Variants in NUAK1 observed in about 807,000 individuals in gnomAD.
The protein encoded by NUAK1 is NUAK family SNF1-like kinase 1.
A neutral mutation model predicts 56.9 loss-of-function variants in NUAK1; 26 were observed. The ratio of observed to expected loss-of-function variants is 0.46; its 90% CI spans 0.33 to 0.63. The LOEUF (loss-of-function observed/expected upper bound fraction) is 0.63. NUAK1 is among the 30% of genes least tolerant of loss of function. NUAK1 has a pLI of 0.02. For missense variants in NUAK1, 727 were observed against 876.1 expected (o/e 0.83, Z 2.15); for synonymous variants, 337 against 336.0 (o/e 1.00, Z -0.03).
At position 106,067,570 on chromosome 12, in the gene NUAK1, G is replaced by A. The variant is rs763058664; in HGVS notation, c.1218C>T (p.Asn406=). The part of the protein sequence containing the change: ...RPKGILKKRS[N]SEHRSHSTGF... The stretch of plus-strand genomic sequence containing the variant: ...CAGTGCTGTGAGAGCGATGCTCGCT[G>A]TTGCTTCGCTTCTTCAGGATCCCCT... Residue 406 remains asparagine, a synonymous_variant, in exon 7 of 7, where the codon AAC becomes AAT. Coordinates refer to ENST00000261402, the MANE Select transcript of NUAK1 (RefSeq NM_014840.3). This position sits in a 1 kb window ranked among gnomAD's most constrained non-coding sequence, Gnocchi z 6.0. 6 of 1,614,246 alleles carry A rather than the reference G, an allele frequency of 3.7e-6. No individual in the cohort carries two copies. The South Asian group carries it at 6.6e-5, about 18-fold the overall frequency.
intron 5 of NUAK1, 96 bp downstream of exon 5, chr12:106,072,626 GCT>G: frequency 1.5e-6 from 2 of 1,341,192 alleles, no homozygotes; most frequent in South Asian, 2.8e-5. Context: ...GCTTTTTTAG[GCT>G]CTGTTTTTTT....
At chr12:106,101,156 C>T (rs1004707637) in intron 2 of NUAK1, among the ~76,000 whole-genome samples, 5 of 152,178 alleles carry the variant, frequency 3.3e-5, no homozygotes, top group Non-Finnish European at 7.4e-5. Context: ...CACCACGCCC[C>T]CAGGTTGCAG....
chr12:106,128,132 T>C (rs1341403633), intron 1 of NUAK1, among the ~76,000 whole-genome samples: 2 of 145,400 alleles, frequency 1.4e-5, no homozygotes, highest in African/African-American at 2.6e-5. Flanking sequence ...TCTTTTCTTT[T>C]TCTTTTTTTT....
At chr12:106,132,867 C>T (rs533746762) in intron 1 of NUAK1, among the ~76,000 whole-genome samples, 1 of 152,184 alleles carries the variant, frequency 6.6e-6, no homozygotes, top group African/African-American at 2.4e-5. Context: ...CAGCTCAGAC[C>T]CCTCTAGAGG....
At chr12:106,131,592 A>C (rs79101443) in intron 1 of NUAK1, among the ~76,000 whole-genome samples, 3,847 of 152,310 alleles carry the variant, frequency 0.025, 161 homozygotes, top group African/African-American at 0.088. Flanking sequence ...GATCATAAGT[A>C]ATATTCCACA....
At position 106,066,620 on chromosome 12, in the gene NUAK1, C is replaced by A; in HGVS notation, c.*182G>T. ...TCTGACTGACAATTGACAGAACTGG[C>A]AGAAGAGCCCACCTCTCCCTTTTAG... On this transcript the variant is annotated 3_prime_UTR_variant, in exon 7 of 7. Coordinates refer to ENST00000261402, the MANE Select transcript of NUAK1 (RefSeq NM_014840.3). 2 of 637,390 alleles carry A rather than the reference C, an allele frequency of 3.1e-6. No individual in the cohort carries two copies. Among genetic ancestry groups the A allele is most frequent in the South Asian group, 3.9e-5 (2 of 51,416 alleles). 39.5% of individuals were successfully genotyped at this position (637,390 alleles called of 1,614,324 possible).
intron 1 of NUAK1, among the ~76,000 whole-genome samples, chr12:106,130,391 A>C (rs2033065513): frequency 6.6e-6 from 1 of 152,226 alleles, no homozygotes; most frequent in African/African-American, 2.4e-5. Flanking sequence ...CAGGACTTGT[A>C]ATATCCTCCT....
At chr12:106,111,163 G>A (rs1204891883) in intron 1 of NUAK1, among the ~76,000 whole-genome samples, 1 of 152,130 alleles carries the variant, frequency 6.6e-6, no homozygotes, top group African/African-American at 2.4e-5. Flanking sequence ...GGGTTGTTGT[G>A]AGGAGTGGAA....
At chr12:106,082,521 G>A (rs775292324) in intron 4 of NUAK1, among the ~76,000 whole-genome samples, 5 of 152,274 alleles carry the variant, frequency 3.3e-5, no homozygotes, top group East Asian at 3.9e-4. Flanking sequence ...CATACAGCCC[G>A]GAATTTCCTA....
chr12:106,091,712 T>C (rs1023333249), intron 2 of NUAK1, among the ~76,000 whole-genome samples: 3 of 152,196 alleles, frequency 2.0e-5, no homozygotes, highest in Non-Finnish European at 4.4e-5. Flanking sequence ...TCCAGGATCC[T>C]GGACCTGTGA....
chr12:106,071,518 A>T (rs971191908), intron 5 of NUAK1, among the ~76,000 whole-genome samples: 2 of 152,188 alleles, frequency 1.3e-5, no homozygotes, highest in Non-Finnish European at 1.5e-5. Context: ...GCTGCCATGT[A>T]GTAACATGGG....
intron 2 of NUAK1, among the ~76,000 whole-genome samples, chr12:106,090,865 C>A (rs1017217749): frequency 2.8e-4 from 43 of 152,314 alleles, no homozygotes; most frequent in Non-Finnish European, 4.9e-4. Flanking sequence ...GTTGTGGCTG[C>A]CACAGAATCA....
chr12:106,113,977 G>T lies in NUAK1; in HGVS notation c.241-7452C>A, dbSNP rs545815075. Among the ~76,000 whole-genome samples the T allele has an allele frequency of 2.0e-5, 3 of 152,294 alleles. No homozygotes were observed. In the South Asian group the frequency reaches 6.2e-4, roughly 32 times the overall value. On this transcript the variant is annotated intron_variant, in intron 1 of 6. Transcript: ENST00000261402. Reference sequence around the variant, plus strand: ...TCAGATTCAAAGAAAGACTGAAAATGCCAGGCCATTTAGCTGAGACTGGAG... The same window carrying T: ...TCAGATTCAAAGAAAGACTGAAAATTCCAGGCCATTTAGCTGAGACTGGAG...
rs1200457882 is a variant in NUAK1, at chr12:106,067,264, G to A, written c.1524C>T (p.Asp508=). 1.9e-6 allele frequency: 3 copies of A among 1,614,126 alleles called. No individual in the cohort carries two copies. The highest frequency in any genetic ancestry group is 1.7e-6 in the Non-Finnish European group (2 of 1,180,014). The change falls in exon 7 of 7, where the codon GAC becomes GAT. Residue 508 remains aspartate (D), a synonymous_variant. Coordinates refer to ENST00000261402, the MANE Select transcript of NUAK1 (RefSeq NM_014840.3). This position sits in a 1 kb window ranked among gnomAD's most constrained non-coding sequence, Gnocchi z 6.0. ...GGCTGTGGGAGGTTACCCTGGCTGG[G>A]TCCGGGGGGCTGGGGGAGGGGATGC... ...GSSIPSPSPP[D]PARVTSHSLS... is the part of the protein sequence containing the mutation.
intron 2 of NUAK1, among the ~76,000 whole-genome samples, chr12:106,102,244 T>A (rs1487636658): frequency 2.0e-5 from 3 of 152,134 alleles, no homozygotes; most frequent in Admixed American, 6.5e-5. Context: ...CTACTTGAGG[T>A]CAGGAATGCC....
chr12:106,114,531 G>T (rs1381673163), intron 1 of NUAK1, among the ~76,000 whole-genome samples: 1 of 152,224 alleles, frequency 6.6e-6, no homozygotes, highest in Non-Finnish European at 1.5e-5. Context: ...CTGTTATCAT[G>T]AGTAGATGTT....
At chr12:106,108,087 G>C (rs541785366) in intron 1 of NUAK1, among the ~76,000 whole-genome samples, 1 of 152,250 alleles carries the variant, frequency 6.6e-6, no homozygotes, top group South Asian at 2.1e-4. Context: ...TGAAGGGAAG[G>C]AGGAAAGGAG....
chr12:106,091,024 G>A lies in NUAK1; in HGVS notation c.362-4139C>T, dbSNP rs535756323. Among the ~76,000 whole-genome samples, 6 of 152,276 alleles carry A rather than the reference G, an allele frequency of 3.9e-5. No individual in the cohort carries two copies. The South Asian group carries it at 6.2e-4, about 16-fold the overall frequency. On this transcript the variant is annotated intron_variant, in intron 2 of 6. Coordinates refer to ENST00000261402, the MANE Select transcript of NUAK1 (RefSeq NM_014840.3). ...CCCTTGGCCCAACGCTCCTTTGCCC[G>A]TGCTTAAGGTCACTATCTACAAGGT... is the stretch of plus-strand genomic sequence containing the variant.
intron 2 of NUAK1, among the ~76,000 whole-genome samples, chr12:106,091,088 G>C (rs1161031868): frequency 2.0e-5 from 3 of 152,184 alleles, no homozygotes; most frequent in African/African-American, 7.2e-5. Context: ...GCAAAAAAAG[G>C]CTGCTTCCCT....
Sources: allele counts gnomAD v4.1 joint callset (sites outside exome capture counted in the v4.1 genomes callset), GRCh38; gene constraint gnomAD v4.1.1; non-coding constraint Gnocchi (gnomAD v3.1); transcripts MANE v1.5; gene names NCBI Gene and HGNC (gene_info 2026-07-23, HGNC 2026-07-21).